Variants in PDE5A observed in about 807,000 individuals in gnomAD.
PDE5A encodes the protein phosphodiesterase 5A, also known as cGMP-specific 3',5'-cyclic phosphodiesterase.
Under a neutral mutation model 110.2 loss-of-function variants are expected in PDE5A, and 67 were observed. The observed-to-expected ratio is 0.61, with a 90% CI of 0.50 to 0.75. The LOEUF (loss-of-function observed/expected upper bound fraction) is 0.75. Among genes scored for constraint, PDE5A ranks in the 30% least tolerant of loss-of-function variants. PDE5A has a pLI of 0.00. For synonymous variants in PDE5A, 328 were observed against 351.2 expected, an observed-to-expected ratio of 0.93 and a Z score of 0.74; for missense variants, 862 against 1,045.1, an observed-to-expected ratio of 0.82 and a Z score of 2.42.
intron 1 of PDE5A, among the ~76,000 whole-genome samples, chr4:119,613,574 A>G (rs762423270): frequency 2.6e-5 from 4 of 152,184 alleles, no homozygotes; most frequent in Non-Finnish European, 5.9e-5. Context: ...TACACAAATA[A>G]GTAACGGAAA....
At chr4:119,616,866 T>C (rs4834790) in intron 1 of PDE5A, among the ~76,000 whole-genome samples, 23,130 of 152,122 alleles carry the variant, frequency 0.15, 1,909 homozygotes, top group African/African-American at 0.2. Context: ...CAATGCTATT[T>C]CATTTTACAC....
At chr4:119,555,833 G>A (rs1254347840) in intron 7 of PDE5A, among the ~76,000 whole-genome samples, 2 of 152,012 alleles carry the variant, frequency 1.3e-5, no homozygotes, top group African/African-American at 4.8e-5. Flanking sequence ...GAAATTTTTA[G>A]GTTTTCCTGA....
intron 4 of PDE5A, among the ~76,000 whole-genome samples, chr4:119,566,596 C>T (rs1015790778): frequency 6.6e-6 from 1 of 152,072 alleles, no homozygotes; most frequent in Admixed American, 6.6e-5. Context: ...TTACATCATC[C>T]AGCCTGAATT....
intron 2 of PDE5A, among the ~76,000 whole-genome samples, chr4:119,597,306 T>C (rs1394507238): frequency 4.9e-5 from 2 of 40,932 alleles, no homozygotes; most frequent in East Asian, 1.5e-3. Flanking sequence ...CTGTGAGGGT[T>C]TTTTTTTTTT....
intron 13 of PDE5A, among the ~76,000 whole-genome samples, chr4:119,520,687 G>A (rs1726096165): frequency 6.6e-6 from 1 of 151,952 alleles, no homozygotes; most frequent in Non-Finnish European, 1.5e-5. Flanking sequence ...GACTATTTAC[G>A]TGCAACATGA....
intron 3 of PDE5A, among the ~76,000 whole-genome samples, chr4:119,585,448 A>C (rs565784046): frequency 3.0e-4 from 45 of 152,238 alleles, no homozygotes; most frequent in African/African-American, 1.1e-3. Context: ...GTGTAAACCC[A>C]GTCTATATCG....
At chr4:119,592,592 T>C (rs1729019351) in intron 3 of PDE5A, among the ~76,000 whole-genome samples, 1 of 152,012 alleles carries the variant, frequency 6.6e-6, no homozygotes, top group Admixed American at 6.6e-5. Context: ...TATTTTTGGA[T>C]TTTGGAATAT....
In PDE5A at chr4:119,519,063, T is replaced by G; in HGVS notation, c.1982A>C (p.Asn661Thr). The G allele has an allele frequency of 3.7e-6, 6 of 1,612,816 alleles. No individual in the cohort carries two copies. Among genetic ancestry groups the G allele is most frequent in the Non-Finnish European group, 5.1e-6 (6 of 1,178,828 alleles). ...GTCTTACCGCTGTATGTAAGAGTTATTCACACCACGGTGATCCAAATCGTG... is the reference window on the plus strand; with the variant it reads ...GTCTTACCGCTGTATGTAAGAGTTAGTCACACCACGGTGATCCAAATCGTG... ...LSHDLDHRGV[N>T]NSYIQRSEHP... The change falls in exon 14 of 21, where the codon AAT (asparagine) becomes ACT (threonine). Residue 661 changes from asparagine to threonine, a missense_variant. Asn to Thr is a moderately conservative substitution (Grantham distance 65). Transcript: ENST00000354960.
In PDE5A at chr4:119,525,429, A is replaced by G. The variant is rs1233932008; in HGVS notation, c.1779+120T>C. 1.1e-6 allele frequency: 1 copy of G among 907,786 alleles called. No homozygotes were observed. Among genetic ancestry groups the G allele is most frequent in the Non-Finnish European group, 1.6e-6 (1 of 610,432 alleles). The allele number at this position is 907,786 out of a possible 1,614,324, so 56.2% of individuals were successfully genotyped here. A position where few individuals can be genotyped will look rare whatever the true frequency, so the allele number is the denominator to read the frequency against. On this transcript the variant is annotated intron_variant, in intron 12 of 20. Transcript: ENST00000354960. This position sits in a 1 kb window ranked among gnomAD's most constrained non-coding sequence, Gnocchi z 4.3. The stretch of plus-strand genomic sequence containing the variant: ...TCTCGGGTATATATTAGGTGACAGT[A>G]TATTAATCACTAAAATGTAAAAATC...
intron 5 of PDE5A, among the ~76,000 whole-genome samples, chr4:119,564,217 C>T (rs1727844679): frequency 6.6e-6 from 1 of 151,846 alleles, no homozygotes; most frequent in South Asian, 2.1e-4. Context: ...ATAAGGACAA[C>T]ATGGATGCTA....
At chr4:119,574,179 C>T (rs1271467024) in intron 3 of PDE5A, among the ~76,000 whole-genome samples, 11 of 89,192 alleles carry the variant, frequency 1.2e-4, no homozygotes, top group South Asian at 4.5e-4. Flanking sequence ...AAAATATAGG[C>T]TTTTTTTTTT....
At chr4:119,504,353 G>A (rs983713293) in intron 18 of PDE5A, among the ~76,000 whole-genome samples, 183 bp downstream of exon 18, 2 of 152,092 alleles carry the variant, frequency 1.3e-5, no homozygotes, top group African/African-American at 4.8e-5. Flanking sequence ...ATCAACTGTT[G>A]ATGGACAGTT....
At chr4:119,564,170 A>G (rs1727842773) in intron 5 of PDE5A, among the ~76,000 whole-genome samples, 1 of 152,014 alleles carries the variant, frequency 6.6e-6, no homozygotes, top group Admixed American at 6.6e-5. Context: ...ATATATTTAT[A>G]TTGTAGATAA....
At chr4:119,552,675 TAA>T (rs1313950992) in intron 8 of PDE5A, 38 bp from the exon 9 acceptor site, 23 of 1,129,216 alleles carry the variant, frequency 2.0e-5, no homozygotes, top group African/African-American at 3.2e-5. Context: ...GCTAAAATGG[TAA>T]AGAGATTGAT....
chr4:119,611,205 T>C (rs1729730879), intron 1 of PDE5A, among the ~76,000 whole-genome samples: 1 of 152,208 alleles, frequency 6.6e-6, no homozygotes, highest in South Asian at 2.1e-4. Flanking sequence ...TTATCCTACA[T>C]AATTTAAATT....
chr4:119,515,431 CAGG>C (rs1028478419), intron 14 of PDE5A, among the ~76,000 whole-genome samples: 1 of 152,098 alleles, frequency 6.6e-6, no homozygotes, highest in African/African-American at 2.4e-5. Flanking sequence ...CTGTGGCTAC[CAGG>C]AGATTTTTCT....
At chr4:119,602,360 G>A (rs1330618491) in intron 2 of PDE5A, among the ~76,000 whole-genome samples, 2 of 152,186 alleles carry the variant, frequency 1.3e-5, no homozygotes, top group African/African-American at 4.8e-5. Flanking sequence ...GGTAAAGGGT[G>A]TATGGCAGTT....
intron 15 of PDE5A, among the ~76,000 whole-genome samples, chr4:119,509,924 T>C (rs966610671): frequency 1.4e-5 from 2 of 143,644 alleles, no homozygotes; most frequent in South Asian, 2.1e-4. Context: ...TGTCTGACTC[T>C]TGTCTGGAAA....
chr4:119,564,127 T>G (rs897621738), intron 5 of PDE5A, among the ~76,000 whole-genome samples: 13 of 151,724 alleles, frequency 8.6e-5, no homozygotes, highest in African/African-American at 3.1e-4. Context: ...AATAATAATA[T>G]AAAAATACAA....
Sources: gnomAD v4.1 joint callset for allele counts (sites outside exome capture counted in the v4.1 genomes callset) on GRCh38, gnomAD v4.1.1 for gene constraint, Gnocchi (gnomAD v3.1) non-coding constraint, MANE v1.5 for transcripts, NCBI Gene and HGNC (gene_info 2026-07-23, HGNC 2026-07-21) for gene names.